MAGED1: variants seen among roughly 807,000 people sequenced by gnomAD.
The protein encoded by MAGED1 is melanoma-associated antigen D1.
Under a neutral mutation model 54.1 loss-of-function variants are expected in MAGED1, and 3 were observed. That is an observed-to-expected ratio of 0.06 (90% CI 0.03 to 0.14). MAGED1 has a LOEUF of 0.14. MAGED1 is among the 10% of genes least tolerant of loss of function. MAGED1 has a pLI of 1.00. For synonymous variants in MAGED1, 217 were observed against 227.3 expected (o/e 0.95, Z 0.41); for missense variants, 485 against 623.4 (o/e 0.78, Z 2.36).
intron 1 of MAGED1, among the ~76,000 whole-genome samples, chrX:51,869,491 T>A (rs1363500556): frequency 5.4e-5 from 6 of 111,679 alleles, no homozygotes; most frequent in Non-Finnish European, 9.4e-5. Flanking sequence ...TTTAGGGTGC[T>A]GGTATTGCAG....
At chrX:51,819,271 C>T (rs1925539696) in intron 1 of MAGED1, among the ~76,000 whole-genome samples, 1 of 110,218 alleles carries the variant, frequency 9.1e-6, no homozygotes, top group Admixed American at 9.7e-5. Context: ...ATGGAAGCTC[C>T]TTCATGTGTA....
At chrX:51,862,790 A>G (rs2146988026) in intron 1 of MAGED1, among the ~76,000 whole-genome samples, 1 of 111,629 alleles carries the variant, frequency 9.0e-6, no homozygotes, top group East Asian at 2.8e-4. Flanking sequence ...TGTCTAATTT[A>G]ATTTTTCTAT....
chrX:51,836,474 G>T (rs1332594034), intron 1 of MAGED1, among the ~76,000 whole-genome samples: 1 of 110,963 alleles, frequency 9.0e-6, no homozygotes, highest in African/African-American at 3.3e-5. Context: ...TGCTGTTCCT[G>T]TCTCAGTGTA....
chrX:51,872,037 AT>A (rs782413317), intron 1 of MAGED1, among the ~76,000 whole-genome samples: 10 of 111,706 alleles, frequency 9.0e-5, no homozygotes, highest in African/African-American at 2.6e-4. Flanking sequence ...GATGATGAGC[AT>A]TTTTTTAATG....
At chrX:51,851,778 G>A (rs868927826) in intron 1 of MAGED1, among the ~76,000 whole-genome samples, 3 of 109,935 alleles carry the variant, frequency 2.7e-5, no homozygotes, top group Non-Finnish European at 5.7e-5. Context: ...TGCTATTCAG[G>A]ACAGTGTGCA....
intron 1 of MAGED1, among the ~76,000 whole-genome samples, chrX:51,830,672 G>A (rs1236948319): frequency 9.0e-6 from 1 of 110,508 alleles, no homozygotes; most frequent in Non-Finnish European, 1.9e-5. Flanking sequence ...CTAGGGAGAG[G>A]GAGTGGTTCA....
At chrX:51,890,464 G>A (rs1344244132), upstream of MAGED1, among the ~76,000 whole-genome samples, 2 of 112,054 alleles carry the variant, frequency 1.8e-5, no homozygotes, top group African/African-American at 6.5e-5. Flanking sequence ...TCAGGAGCTT[G>A]CCACACTGGT....
chrX:51,859,072 C>T (rs1460913746), intron 1 of MAGED1, among the ~76,000 whole-genome samples: 1 of 111,322 alleles, frequency 9.0e-6, no homozygotes, highest in African/African-American at 3.3e-5. Context: ...GCCAGCTTAA[C>T]CACCTTCTAG....
chrX:51,837,835 T>TTCTG (rs1265003375), intron 1 of MAGED1, among the ~76,000 whole-genome samples: 2 of 112,531 alleles, frequency 1.8e-5, no homozygotes, highest in Non-Finnish European at 3.7e-5. Context: ...CCCAGGCTGC[T>TTCTG]TCTGCACTGT....
At chrX:51,852,746 G>C (rs1207422678) in intron 1 of MAGED1, among the ~76,000 whole-genome samples, 2 of 111,723 alleles carry the variant, frequency 1.8e-5, no homozygotes, top group African/African-American at 6.5e-5. Flanking sequence ...GCAGGGGAGC[G>C]GGCACAGAGC....
In MAGED1 at chrX:51,896,946, G is replaced by A. The variant is rs200856189; in HGVS notation, c.1291G>A (p.Ala431Thr). ...GCCACTACCACCTGACTGGATCCCC[G>A]CTGATTGGCCAATTCCACCTGACTG... The part of the protein sequence containing the change: ...DWPLPPDWIP[A>T]DWPIPPDWQN... Residue 431 changes from alanine to threonine, a missense_variant, in exon 4 of 13, where the codon GCT becomes ACT. By Grantham distance (58) the Ala-to-Thr change is moderately conservative. Transcript: ENST00000326587. 77 of 1,208,095 alleles carry A rather than the reference G, an allele frequency of 6.4e-5. No individual in the cohort carries two copies. The highest frequency in any genetic ancestry group is 2.3e-4 in the Middle Eastern group (1 of 4,371).
chrX:51,889,349 C>T (rs910811508), upstream of MAGED1, among the ~76,000 whole-genome samples: 1 of 110,595 alleles, frequency 9.0e-6, no homozygotes, highest in East Asian at 2.8e-4. Flanking sequence ...GTCATAGGGC[C>T]GGGCATGGTG....
At chrX:51,869,141 G>A (rs1927560984) in intron 1 of MAGED1, among the ~76,000 whole-genome samples, 1 of 111,252 alleles carries the variant, frequency 9.0e-6, no homozygotes, top group Admixed American at 9.5e-5. Flanking sequence ...GTTTGATAAT[G>A]GAGATGTGGA....
chrX:51,894,923 G>T, intron 2 of MAGED1, 130 bp from the exon 3 acceptor site: 1 of 903,690 alleles, frequency 1.1e-6, no homozygotes, highest in Non-Finnish European at 1.5e-6. Context: ...CTCTGCCTCA[G>T]CCCCCCTGTT....
chrX:51,886,877 G>A (rs2147007219), intron 1 of MAGED1, among the ~76,000 whole-genome samples: 1 of 110,261 alleles, frequency 9.1e-6, no homozygotes, highest in South Asian at 3.9e-4. Context: ...GCAACATAGG[G>A]AGACCACATC....
At chrX:51,890,832 CAAAA>C (rs11393540), upstream of MAGED1, among the ~76,000 whole-genome samples, 4 of 62,918 alleles carry the variant, frequency 6.4e-5, no homozygotes, top group Admixed American at 2.1e-4. Context: ...ATAAGATTGG[CAAAA>C]AAAAAAAAAA....
At chrX:51,833,077 A>G (rs1557357595) in intron 1 of MAGED1, among the ~76,000 whole-genome samples, 1 of 111,408 alleles carries the variant, frequency 9.0e-6, no homozygotes, top group Admixed American at 9.6e-5. Flanking sequence ...CAATTTTCTT[A>G]TAAATGGTAG....
chrX:51,842,093 G>A (rs956837757), intron 1 of MAGED1, among the ~76,000 whole-genome samples: 5 of 112,169 alleles, frequency 4.5e-5, no homozygotes, highest in African/African-American at 6.5e-5. Context: ...TAGTAATAAT[G>A]TTGTAATGAA....
chrX:51,856,728 A>G (rs1557360232), intron 1 of MAGED1, among the ~76,000 whole-genome samples: 3 of 111,964 alleles, frequency 2.7e-5, no homozygotes, highest in Non-Finnish European at 5.6e-5. Flanking sequence ...TTGGCATGTG[A>G]TGACATATAG....
Sources: allele counts gnomAD v4.1 joint callset (sites outside exome capture counted in the v4.1 genomes callset), GRCh38; gene constraint gnomAD v4.1.1; transcripts MANE v1.5; gene names NCBI Gene and HGNC (gene_info 2026-07-23, HGNC 2026-07-21).